ZNF680: variants seen among roughly 807,000 people sequenced by gnomAD.
The protein encoded by ZNF680 is zinc finger protein 680, also known as hypothetical protein FLJ90430.
In ZNF680, 6 loss-of-function variants were observed where a neutral mutation model predicts 12.1. The observed-to-expected ratio is 0.49, with a 90% CI of 0.27 to 0.98. The LOEUF (loss-of-function observed/expected upper bound fraction) is 0.98. ZNF680 is among the 50% of genes least tolerant of loss of function. The pLI is 0.12. For synonymous variants in ZNF680, 170 were observed against 199.3 expected (o/e 0.85, Z 1.24); for missense variants, 561 against 616.3 (o/e 0.91, Z 0.95).
intron 1 of ZNF680, among the ~76,000 whole-genome samples, chr7:64,558,426 T>C (rs1403163247): frequency 6.6e-6 from 1 of 152,128 alleles, no homozygotes; most frequent in African/African-American, 2.4e-5. Flanking sequence ...GCTAATTTCC[T>C]GTAAGTTTTC....
At chr7:64,505,722 G>C in the ZNF680 span, among the ~76,000 whole-genome samples, 1 of 151,814 alleles carries the variant, frequency 6.6e-6, no homozygotes, top group African/African-American at 2.4e-5. Context: ...GTTTATCTTA[G>C]GCTATCTCAG....
At chr7:64,515,978 T>C (rs1489375695), downstream of ZNF680, among the ~76,000 whole-genome samples, 1 of 152,044 alleles carries the variant, frequency 6.6e-6, no homozygotes, top group Non-Finnish European at 1.5e-5. Context: ...CAGCTTCTAA[T>C]TGGTCCTGGG....
At chr7:64,550,277 GTTTAA>G (rs1370377676) in intron 1 of ZNF680, among the ~76,000 whole-genome samples, 4 of 152,174 alleles carry the variant, frequency 2.6e-5, no homozygotes, top group African/African-American at 7.2e-5. Context: ...GGAATTATTA[GTTTAA>G]TTTATAGCTA....
intron 3 of ZNF680, among the ~76,000 whole-genome samples, chr7:64,537,794 G>C (rs970173239): frequency 6.6e-6 from 1 of 152,084 alleles, no homozygotes; most frequent in Non-Finnish European, 1.5e-5. Flanking sequence ...GCCGGGCGTG[G>C]TGGCGGGCGC....
intron 1 of ZNF680, 36 bp from the exon 2 acceptor site, chr7:64,544,468 ACACT>A: frequency 1.3e-6 from 2 of 1,556,024 alleles, no homozygotes; most frequent in Non-Finnish European, 1.7e-6. Context: ...ACACACACAC[ACACT>A]TATATATTTA....
At chr7:64,499,275 G>A in the ZNF680 span, among the ~76,000 whole-genome samples, 1 of 152,164 alleles carries the variant, frequency 6.6e-6, no homozygotes, top group Non-Finnish European at 1.5e-5. Context: ...AATTAAAACA[G>A]CCCTGGGGGA....
At chr7:64,510,228 TAA>T in the ZNF680 span, among the ~76,000 whole-genome samples, 76,634 of 146,614 alleles carry the variant, frequency 0.52, 20,346 homozygotes, top group African/African-American at 0.66. Context: ...AAATACGTAA[TAA>T]AAAAAAAAAA....
chr7:64,521,037 A>C lies in ZNF680; in HGVS notation c.*124T>G. 9.2e-7 allele frequency: 1 copy of C among 1,087,466 alleles called. No individual in the cohort carries two copies. The highest frequency in any genetic ancestry group is 1.3e-6 in the Non-Finnish European group (1 of 766,394). 67.4% of individuals were successfully genotyped at this position (1,087,466 alleles called of 1,614,324 possible). On this transcript the variant is annotated 3_prime_UTR_variant, in exon 4 of 4. Coordinates refer to ENST00000309683, the MANE Select transcript of ZNF680 (RefSeq NM_178558.5). The stretch of plus-strand genomic sequence containing the variant: ...TTTGTCACATTCTTTACACTTATAA[A>C]GTTTTCTCCAATATAAATTATCTTA...
chr7:64,504,901 G>A, the ZNF680 span, among the ~76,000 whole-genome samples: 1 of 152,082 alleles, frequency 6.6e-6, no homozygotes, highest in Non-Finnish European at 1.5e-5. Context: ...TAAATTTTTT[G>A]TCAATTTACT....
chr7:64,531,213 T>C (rs1584363330), intron 3 of ZNF680, among the ~76,000 whole-genome samples: 1 of 152,100 alleles, frequency 6.6e-6, no homozygotes, highest in Non-Finnish European at 1.5e-5. Flanking sequence ...TTCTCCAAGA[T>C]AGACCATATG....
intron 3 of ZNF680, 111 bp downstream of exon 3, chr7:64,543,596 A>C: frequency 1.1e-6 from 1 of 919,364 alleles, no homozygotes; most frequent in Non-Finnish European, 1.7e-6. Context: ...CCCAAAAACT[A>C]TTTTCTCTGG....
chr7:64,554,004 C>CA (rs1787239400), intron 1 of ZNF680, among the ~76,000 whole-genome samples: 1 of 152,052 alleles, frequency 6.6e-6, no homozygotes, highest in African/African-American at 2.4e-5. Flanking sequence ...GCCCGGCCGC[C>CA]ACCCCGTCTA....
chr7:64,509,034 T>C, the ZNF680 span, among the ~76,000 whole-genome samples: 1 of 152,106 alleles, frequency 6.6e-6, no homozygotes, highest in African/African-American at 2.4e-5. Flanking sequence ...GTAAATACCC[T>C]CCCCCTCTCC....
At chr7:64,514,505 C>A in the ZNF680 span, among the ~76,000 whole-genome samples, 1 of 152,176 alleles carries the variant, frequency 6.6e-6, no homozygotes, top group African/African-American at 2.4e-5. Context: ...AACAAATGTT[C>A]TCCAATGCAG....
the ZNF680 span, chr7:64,501,179 C>A: frequency 4.6e-6 from 4 of 868,362 alleles, no homozygotes; most frequent in Non-Finnish European, 7.8e-6. Flanking sequence ...CTATTCAGCT[C>A]CTCTCTTGAC....
chr7:64,509,552 C>T, the ZNF680 span, among the ~76,000 whole-genome samples: 1 of 152,086 alleles, frequency 6.6e-6, no homozygotes, highest in Non-Finnish European at 1.5e-5. Context: ...TTTAATTCTT[C>T]ACTGGGGCCA....
Position 64,522,441 on chromosome 7 carries a change from G to A in ZNF680, c.313C>T (p.Gln105Ter). 6.3e-7 allele frequency: 1 copy of A among 1,599,148 alleles called. No individual in the cohort carries two copies. Among genetic ancestry groups the A allele is most frequent in the Non-Finnish European group, 8.5e-7 (1 of 1,174,310 alleles). The part of the protein sequence containing the change: ...WPEHSIKDSF[Q>*]KVILRGYGKC... ...CCATATCCTCTCAGTATCACTTTTT[G>A]AAAAGAATCTTTTATGCTATGCTCT... is the stretch of plus-strand genomic sequence containing the variant. The change falls in exon 4 of 4, where the codon CAA (glutamine) becomes TAA (stop). Residue 105 changes from glutamine (Q) to a stop codon, truncating the protein, a stop_gained. Transcript: ENST00000309683. LOFTEE classifies it low-confidence loss of function (END_TRUNC).
intron 3 of ZNF680, chr7:64,526,083 AT>A (rs1392038370): frequency 1.5e-5 from 14 of 949,604 alleles, no homozygotes; most frequent in Non-Finnish European, 1.8e-5. Context: ...ATCCTAAAAT[AT>A]ATAAAACAAA....
chr7:64,504,398 T>C, the ZNF680 span, among the ~76,000 whole-genome samples: 3 of 152,214 alleles, frequency 2.0e-5, no homozygotes, highest in African/African-American at 7.2e-5. Flanking sequence ...TTTCCCTAAA[T>C]TTATTGATAA....
Sources: allele counts gnomAD v4.1 joint callset (sites outside exome capture counted in the v4.1 genomes callset), GRCh38; gene constraint gnomAD v4.1.1; transcripts MANE v1.5; gene names NCBI Gene and HGNC (gene_info 2026-07-23, HGNC 2026-07-21).